The following IPO5 variants were observed in gnomAD, a reference collection of about 807,000 sequenced individuals.
IPO5 encodes the protein importin 5, also known as importin-5.
In IPO5, 18 loss-of-function variants were observed where a neutral mutation model predicts 143.3. The ratio of observed to expected loss-of-function variants is 0.13; its 90% confidence interval spans 0.09 to 0.19. The LOEUF is 0.19. IPO5 is among the 10% of genes least tolerant of loss of function. The pLI is 1.00. For missense variants in IPO5, 1,013 were observed against 1,336.9 expected, an observed-to-expected ratio of 0.76 and a Z score of 3.78; for synonymous variants, 477 against 465.7, an observed-to-expected ratio of 1.02 and a Z score of -0.31.
At chr13:98,011,749 C>T (rs1421186859) in intron 20 of IPO5, among the ~76,000 whole-genome samples, 11 of 152,180 alleles carry the variant, frequency 7.2e-5, no homozygotes, top group African/African-American at 2.7e-4. Context: ...TCGTGATCTA[C>T]CAGCCTCAGC....
chr13:97,978,673 C>A (rs1457210695), intron 4 of IPO5, among the ~76,000 whole-genome samples: 1 of 152,156 alleles, frequency 6.6e-6, no homozygotes, highest in Admixed American at 6.5e-5. Flanking sequence ...TCATGTGTTA[C>A]AAAGCAGAAC....
chr13:97,979,833 G>C, intron 4 of IPO5: 1 of 454,338 alleles, frequency 2.2e-6, no homozygotes, highest in South Asian at 1.6e-5. Context: ...GCCCATTGTT[G>C]AGATTTCAAT....
intron 16 of IPO5, among the ~76,000 whole-genome samples, chr13:98,005,351 C>A (rs950307654): frequency 6.7e-6 from 1 of 150,042 alleles, no homozygotes; most frequent in African/African-American, 2.5e-5. Context: ...GGTGTGCCAC[C>A]ACACCTGGCT....
At chr13:97,999,084 A>G (rs1048388809) in intron 12 of IPO5, among the ~76,000 whole-genome samples, 2 of 152,174 alleles carry the variant, frequency 1.3e-5, no homozygotes, top group African/African-American at 4.8e-5. Flanking sequence ...TGGAGGTTGC[A>G]GTGAGCTGAG....
chr13:98,023,781 AG>A lies in IPO5; in HGVS notation c.*1961del, dbSNP rs1305286245. 5.3e-5 allele frequency: 8 copies of A among 152,126 alleles called. No homozygotes were observed. Among genetic ancestry groups the A allele is most frequent in the African/African-American group, 1.9e-4 (8 of 41,384 alleles). 9.4% of individuals were successfully genotyped at this position (152,126 alleles called of 1,614,324 possible). A position where few individuals can be genotyped will look rare whatever the true frequency, so the allele number is the denominator to read the frequency against. On this transcript the variant is annotated 3_prime_UTR_variant, in exon 29 of 29. Coordinates refer to ENST00000651721, the MANE Select transcript of IPO5 (RefSeq NM_002271.6). ...CCTTGATAAAAGCAGAAAAGCAAAG[AG>A]GTAATTGGAGTTGAATCAAGTTAAT...
intron 6 of IPO5, chr13:97,987,078 CAAG>C (rs1227676644): frequency 5.9e-6 from 1 of 168,560 alleles, no homozygotes; most frequent in Non-Finnish European, 1.4e-5. Flanking sequence ...AGTGGCTCTC[CAAG>C]AAGTCACAGA....
chr13:98,021,016 A>G lies in IPO5; in HGVS notation c.3090A>G (p.Pro1030=), dbSNP rs1422329184. ...IESNHPIVLG[P]NNTNLPKIFS... is the part of the protein sequence containing the mutation. ...GTAATCATCCAATTGTTCTTGGCCC[A>G]AACAATACCAATCTGCCCAAAATAT... Residue 1030 remains proline (P), a synonymous_variant, in exon 28 of 29, where the codon CCA becomes CCG. Coordinates refer to ENST00000651721, the MANE Select transcript of IPO5 (RefSeq NM_002271.6). 1.2e-6 allele frequency: 2 copies of G among 1,609,494 alleles called. No individual in the cohort carries two copies. Among genetic ancestry groups the G allele is most frequent in the South Asian group, 1.1e-5 (1 of 90,082 alleles).
At chr13:97,962,324 C>A (rs780085167) in intron 2 of IPO5, among the ~76,000 whole-genome samples, 10 of 152,064 alleles carry the variant, frequency 6.6e-5, no homozygotes, top group Non-Finnish European at 1.2e-4. Flanking sequence ...AGATTTAGTC[C>A]TATATTTTCT....
At chr13:98,000,284 CAAA>C (rs111826649) in intron 12 of IPO5, among the ~76,000 whole-genome samples, 1 of 118,644 alleles carries the variant, frequency 8.4e-6, no homozygotes, top group African/African-American at 3.2e-5. Flanking sequence ...GACTCTGTCT[CAAA>C]AAAAAAAAAG....
intron 6 of IPO5, chr13:97,988,040 G>T (rs538752613): frequency 5.3e-5 from 14 of 265,168 alleles, no homozygotes; most frequent in African/African-American, 2.9e-4. Context: ...CAGCACAATT[G>T]TCATTTCACA....
chr13:98,018,779 A>T, intron 26 of IPO5, 75 bp downstream of exon 26: 3 of 1,031,810 alleles, frequency 2.9e-6, no homozygotes, highest in African/African-American at 3.2e-5. Flanking sequence ...TCTTTACCAC[A>T]CTCCCAAACA....
intron 2 of IPO5, among the ~76,000 whole-genome samples, chr13:97,959,550 A>G (rs557297552): frequency 2.0e-5 from 3 of 152,210 alleles, no homozygotes; most frequent in African/African-American, 7.2e-5. Context: ...CAACATGGTG[A>G]AACCCCGTCT....
chr13:98,012,150 A>C, intron 20 of IPO5, 96 bp from the exon 21 acceptor site: 1 of 741,414 alleles, frequency 1.3e-6, no homozygotes, highest in Non-Finnish European at 2.4e-6. Flanking sequence ...TAGTCAAAAT[A>C]CAACCTCCTG....
In IPO5 at chr13:97,976,779, A is replaced by G; in HGVS notation, c.83A>G (p.Gln28Arg). 1.5e-6 allele frequency: 2 copies of G among 1,376,508 alleles called. No individual in the cohort carries two copies. Among genetic ancestry groups the G allele is most frequent in the Non-Finnish European group, 9.7e-7 (1 of 1,033,132 alleles). 85.3% of individuals were successfully genotyped at this position (1,376,508 alleles called of 1,614,324 possible). A position where few individuals can be genotyped will look rare whatever the true frequency, so the allele number is the denominator to read the frequency against. ...AGCCCCGACAATGTGGTCCGGAAAC[A>G]GGCAGAGGTAACCGAGTTCGCCGCC... ...LLSPDNVVRK[Q>R]AEETYENIPG... Residue 28 changes from glutamine to arginine, a missense_variant, in exon 4 of 29, where the codon CAG (glutamine) becomes CGG (arginine). Around this residue, in one of 2 missense-constraint regions of IPO5, gnomAD observed 328 missense variants for 342.0 expected, o/e 0.96. Transcript: ENST00000651721.
intron 2 of IPO5, chr13:97,960,065 T>C (rs1321895532): frequency 6.6e-6 from 1 of 152,222 alleles, no homozygotes. Flanking sequence ...ATGCATGGAA[T>C]TGAAGCCTAT....
chr13:98,002,795 A>G, intron 15 of IPO5, 22 bp downstream of exon 15: 1 of 1,598,038 alleles, frequency 6.3e-7, no homozygotes, highest in African/African-American at 1.3e-5. Flanking sequence ...GTCCTCAAAC[A>G]CTTAAATCAG....
intron 17 of IPO5, 90 bp downstream of exon 17, chr13:98,006,438 G>T: frequency 1.3e-6 from 1 of 769,314 alleles, no homozygotes; most frequent in Non-Finnish European, 1.9e-6. Flanking sequence ...GCAGTGGCAC[G>T]ATCTCGGCTC....
chr13:98,004,976 A>G (rs1460431299), intron 16 of IPO5, among the ~76,000 whole-genome samples: 6 of 151,964 alleles, frequency 3.9e-5, no homozygotes, highest in Admixed American at 3.9e-4. Context: ...GCTCACCGCA[A>G]CCGCCGTCTC....
intron 20 of IPO5, 56 bp from the exon 21 acceptor site, chr13:98,012,190 A>G (rs1889772633): frequency 9.6e-7 from 1 of 1,037,042 alleles, no homozygotes; most frequent in African/African-American, 1.6e-5. Flanking sequence ...GTTTGTTAAT[A>G]TTAATGCTTG....
Sources: gnomAD v4.1 joint callset for allele counts (sites outside exome capture counted in the v4.1 genomes callset) on GRCh38, gnomAD v4.1.1 for gene constraint, gnomAD v4.1.1 regional missense constraint, MANE v1.5 for transcripts, NCBI Gene and HGNC (gene_info 2026-07-23, HGNC 2026-07-21) for gene names.